Variants in TNPO1 observed in about 807,000 individuals in gnomAD.
TNPO1 encodes the protein transportin-1.
A neutral mutation model predicts 119.5 loss-of-function variants in TNPO1; 8 were observed. The ratio of observed to expected loss-of-function variants is 0.07; its 90% CI spans 0.04 to 0.12. The LOEUF (loss-of-function observed/expected upper bound fraction) is 0.12. TNPO1 is among the 10% of genes least tolerant of loss of function. TNPO1 has a pLI of 1.00. For missense variants in TNPO1, 576 were observed against 1,089.8 expected, an observed-to-expected ratio of 0.53 and a Z score of 6.64; for synonymous variants, 362 against 363.0, an observed-to-expected ratio of 1.00 and a Z score of 0.03.
At chr5:72,898,032 T>C (rs1318576216) in intron 20 of TNPO1, among the ~76,000 whole-genome samples, 1 of 152,154 alleles carries the variant, frequency 6.6e-6, no homozygotes, top group Admixed American at 6.5e-5. Flanking sequence ...AATCTTTTAA[T>C]TATGAAGCAG....
rs1749205800 is a variant in TNPO1, at chr5:72,893,391, A to G, written c.1911A>G (p.Gln637=). 6 of 1,613,570 alleles carry G rather than the reference A, an allele frequency of 3.7e-6. No individual in the cohort carries two copies. Among genetic ancestry groups the G allele is most frequent in the East Asian group, 4.5e-5 (2 of 44,884 alleles). The part of the protein sequence containing the change: ...TLAQAMLNNA[Q]PDQYEAPDKD... ...TCTAATTTCAGCTAAACAATGCTCA[A>G]CCAGATCAATATGAAGCTCCAGATA... is the stretch of plus-strand genomic sequence containing the variant. The change falls in exon 17 of 25, where the codon CAA becomes CAG. Residue 637 remains glutamine (Q), a synonymous_variant. Transcript: ENST00000337273.
At chr5:72,900,250 G>A (rs1044107248) in intron 21 of TNPO1, among the ~76,000 whole-genome samples, 169 bp downstream of exon 21, 3 of 151,880 alleles carry the variant, frequency 2.0e-5, no homozygotes, top group African/African-American at 2.4e-5. Context: ...CAATAGCATC[G>A]TCATGTATAT....
intron 5 of TNPO1, among the ~76,000 whole-genome samples, chr5:72,862,985 T>TGGG (rs1039258958): frequency 1.5e-5 from 2 of 131,416 alleles, no homozygotes; most frequent in African/African-American, 5.9e-5. Flanking sequence ...CTCTGACCTG[T>TGGG]GGGTTTTTGT....
At chr5:72,829,183 A>G (rs1316286462) in intron 1 of TNPO1, among the ~76,000 whole-genome samples, 2 of 152,252 alleles carry the variant, frequency 1.3e-5, no homozygotes, top group East Asian at 3.8e-4. Context: ...AAAGAGCATT[A>G]AAGAGTGAAA....
rs1750560996 is a variant in TNPO1, at chr5:72,911,490, G to A, written c.*2817G>A. On this transcript the variant is annotated 3_prime_UTR_variant, in exon 25 of 25. Coordinates refer to ENST00000337273, the MANE Select transcript of TNPO1 (RefSeq NM_002270.4). ...ACATAGTGTAGAACAGGAATTTGCA[G>A]AAGCCATTTAAGTTATCTTTTGAGG... 1 of 152,452 alleles carries A rather than the reference G, an allele frequency of 6.6e-6. No homozygotes were observed. Among genetic ancestry groups the A allele is most frequent in the South Asian group, 2.1e-4 (1 of 4,830 alleles). 9.4% of individuals were successfully genotyped at this position (152,452 alleles called of 1,614,324 possible).
chr5:72,835,902 G>A (rs531938536), intron 1 of TNPO1, among the ~76,000 whole-genome samples: 1 of 152,332 alleles, frequency 6.6e-6, no homozygotes, highest in Non-Finnish European at 1.5e-5. Flanking sequence ...AACCAAGTAA[G>A]CCCAAGACCC....
At chr5:72,833,242 A>G (rs1744556504) in intron 1 of TNPO1, among the ~76,000 whole-genome samples, 1 of 152,188 alleles carries the variant, frequency 6.6e-6, no homozygotes, top group South Asian at 2.1e-4. Context: ...TATATATTAC[A>G]TAATTATATA....
At chr5:72,868,770 G>T (rs1404489370) in intron 6 of TNPO1, among the ~76,000 whole-genome samples, 1 of 152,010 alleles carries the variant, frequency 6.6e-6, no homozygotes, top group African/African-American at 2.4e-5. Context: ...TAAAGTTTAG[G>T]CTGGGCGCGG....
In TNPO1 at chr5:72,913,272, T is replaced by C. The variant is rs902772511; in HGVS notation, c.*4599T>C. 10 of 152,528 alleles carry C rather than the reference T, an allele frequency of 6.6e-5. No individual in the cohort carries two copies. Among genetic ancestry groups the C allele is most frequent in the Non-Finnish European group, 2.9e-5 (2 of 67,928 alleles). The allele number at this position is 152,528 out of a possible 1,614,324, so 9.4% of individuals were successfully genotyped here. On this transcript the variant is annotated 3_prime_UTR_variant, in exon 25 of 25. Transcript: ENST00000337273. ...GTTAGTTTTATTCACCTTTAGGCTT[T>C]CCAAGTGAATTGTGACTAATTTTTT...
At chr5:72,855,517 G>A (rs773467466) in intron 3 of TNPO1, among the ~76,000 whole-genome samples, 3 of 152,108 alleles carry the variant, frequency 2.0e-5, no homozygotes, top group Admixed American at 6.6e-5. Context: ...GGCATCTGTG[G>A]CTGATGATGC....
At chr5:72,835,794 A>G (rs1360091720) in intron 1 of TNPO1, among the ~76,000 whole-genome samples, 3 of 152,188 alleles carry the variant, frequency 2.0e-5, no homozygotes, top group Admixed American at 2.0e-4. Context: ...CATTAATTCA[A>G]AAGTCTGAAG....
chr5:72,865,606 G>C lies in TNPO1; in HGVS notation c.473G>C (p.Gly158Ala). The change falls in exon 6 of 25, where the codon GGT (glycine) becomes GCT (alanine). Residue 158 changes from glycine to alanine, a missense_variant. Gly to Ala is a moderately conservative substitution (Grantham distance 60, BLOSUM62 0). Coordinates refer to ENST00000337273, the MANE Select transcript of TNPO1 (RefSeq NM_002270.4). ...EDYNTCEGAFGALQKICEDSA... is the reference protein window; with the variant it reads ...EDYNTCEGAFAALQKICEDSA... ...ATGTGTCTCTTACAGGGAGCATTTG[G>C]TGCCCTTCAGAAGATTTGTGAAGAT... 1 of 1,611,976 alleles carries C rather than the reference G, an allele frequency of 6.2e-7. No individual in the cohort carries two copies. Among genetic ancestry groups the C allele is most frequent in the Non-Finnish European group, 8.5e-7 (1 of 1,179,728 alleles).
intron 1 of TNPO1, among the ~76,000 whole-genome samples, chr5:72,844,562 A>G (rs553389361): frequency 2.7e-4 from 41 of 152,340 alleles, no homozygotes; most frequent in African/African-American, 9.9e-4. Context: ...AAGAAGTTAG[A>G]TTTTATCTTG....
intron 7 of TNPO1, 142 bp from the exon 8 acceptor site, chr5:72,875,473 C>A: frequency 8.6e-6 from 6 of 696,506 alleles, no homozygotes; most frequent in East Asian, 2.9e-5. Context: ...ACATTTAATT[C>A]TTGTAATCTA....
intron 1 of TNPO1, among the ~76,000 whole-genome samples, chr5:72,841,216 G>A (rs755652373): frequency 6.6e-6 from 1 of 151,674 alleles, no homozygotes; most frequent in Non-Finnish European, 1.5e-5. Flanking sequence ...CACCTCCTTG[G>A]TTCAAGAGAT....
At chr5:72,825,096 C>T (rs774179739) in intron 1 of TNPO1, among the ~76,000 whole-genome samples, 11 of 152,124 alleles carry the variant, frequency 7.2e-5, no homozygotes, top group Non-Finnish European at 1.3e-4. Context: ...CCTATCATGC[C>T]TCACTGCTTC....
intron 9 of TNPO1, among the ~76,000 whole-genome samples, chr5:72,881,166 A>G (rs775326613): frequency 6.6e-6 from 1 of 151,964 alleles, no homozygotes; most frequent in Non-Finnish European, 1.5e-5. Context: ...GCTGGAGTGC[A>G]GTGGCGCGAT....
At position 72,847,486 on chromosome 5, in the gene TNPO1, C is replaced by T. The variant is rs192051339; in HGVS notation, c.16-899C>T. ...TCAGATCTTTTTTAGCTTTAGTTGC[C>T]ACATGGAGGCAAATAATACCTCACT... On this transcript the variant is annotated intron_variant, in intron 1 of 24. Transcript: ENST00000337273. Among the ~76,000 whole-genome samples, 106 of 152,192 alleles carry T rather than the reference C, an allele frequency of 7.0e-4. 1 individual carries two copies. The highest frequency in any genetic ancestry group is 2.5e-3 in the African/African-American group (102 of 41,518).
intron 14 of TNPO1, among the ~76,000 whole-genome samples, chr5:72,890,993 AC>A (rs1749007450): frequency 6.6e-6 from 1 of 151,996 alleles, no homozygotes; most frequent in Non-Finnish European, 1.5e-5. Flanking sequence ...AGCTGAGACC[AC>A]AGGCGTGTAC....
Sources: gnomAD v4.1 joint callset for allele counts (sites outside exome capture counted in the v4.1 genomes callset) on GRCh38, gnomAD v4.1.1 for gene constraint, MANE v1.5 for transcripts, NCBI Gene and HGNC (gene_info 2026-07-23, HGNC 2026-07-21) for gene names.